STOX2: variants seen among roughly 807,000 people sequenced by gnomAD.
The protein encoded by STOX2 is storkhead-box protein 2.
A neutral mutation model predicts 60.9 loss-of-function variants in STOX2; 28 were observed. The observed-to-expected ratio is 0.46, with a 90% CI of 0.34 to 0.63. STOX2 has a LOEUF of 0.63. Ranked by LOEUF, STOX2 falls within the 30% of genes least tolerant of loss-of-function variation. The pLI is 0.01. For synonymous variants in STOX2, 472 were observed against 463.9 expected (o/e 1.02, Z -0.22); for missense variants, 1,024 against 1,187.7 (o/e 0.86, Z 2.03).
At chr4:183,933,026 C>T (rs1742482102) in intron 1 of STOX2, among the ~76,000 whole-genome samples, 2 of 152,198 alleles carry the variant, frequency 1.3e-5, no homozygotes, top group Admixed American at 1.3e-4. Flanking sequence ...GGCAGATTCA[C>T]ATGCTAAATG....
intron 1 of STOX2, among the ~76,000 whole-genome samples, chr4:183,892,302 G>C (rs910708024): frequency 6.6e-6 from 1 of 152,136 alleles, no homozygotes; most frequent in Non-Finnish European, 1.5e-5. Flanking sequence ...TTTTTGAGAC[G>C]GAGTCTCGCT....
chr4:183,960,607 G>A lies in STOX2; in HGVS notation c.167-40718G>A, dbSNP rs546249830. On this transcript the variant is annotated intron_variant, in intron 1 of 3. Coordinates refer to ENST00000308497, the MANE Select transcript of STOX2 (RefSeq NM_020225.3). The stretch of plus-strand genomic sequence containing the variant: ...ATTGGTGGATAAATGATACATTAAA[G>A]TGCATTTACATTGGGTAAGCAAACT... 1.1e-3 allele frequency among the ~76,000 whole-genome samples: 162 copies of A among 152,300 alleles called. 1 individual carries two copies. The highest frequency in any genetic ancestry group is 6.8e-3 in the Middle Eastern group (2 of 292).
chr4:183,857,912 C>G (rs902439646), intron 1 of STOX2, among the ~76,000 whole-genome samples: 8 of 152,222 alleles, frequency 5.3e-5, no homozygotes, highest in African/African-American at 1.7e-4. Flanking sequence ...ATCCACTCTT[C>G]TCTCCCTACA....
intron 1 of STOX2, among the ~76,000 whole-genome samples, chr4:183,897,174 A>G (rs762217025): frequency 9.9e-5 from 15 of 152,196 alleles, no homozygotes; most frequent in Middle Eastern, 6.8e-3. Flanking sequence ...CTAAATTCCT[A>G]CTCTTTTCCT....
chr4:183,946,026 A>G (rs927256575), intron 1 of STOX2, among the ~76,000 whole-genome samples: 1 of 152,206 alleles, frequency 6.6e-6, no homozygotes, highest in African/African-American at 2.4e-5. Flanking sequence ...TTCTATGTCA[A>G]TGGGCACACA....
chr4:184,014,166 C>T (rs1016544269), intron 3 of STOX2: 12 of 150,300 alleles, frequency 8.0e-5, no homozygotes, highest in Admixed American at 3.3e-4. Flanking sequence ...GACTTTTCTC[C>T]ACACTCCAGG....
intron 1 of STOX2, among the ~76,000 whole-genome samples, chr4:183,923,728 T>C (rs534433160): frequency 1.3e-5 from 2 of 152,242 alleles, no homozygotes; most frequent in South Asian, 4.1e-4. Context: ...GCTTAAAATG[T>C]AGTGAAGAGC....
chr4:183,925,892 TTC>T (rs1742228269), intron 1 of STOX2, among the ~76,000 whole-genome samples: 2 of 143,172 alleles, frequency 1.4e-5, no homozygotes, highest in Admixed American at 6.7e-5. Flanking sequence ...GGTTTTTTTT[TTC>T]TTCTTGAATC....
At chr4:183,989,169 G>GTTTTTTTTTTTTTTT (rs11421201) in intron 1 of STOX2, among the ~76,000 whole-genome samples, 2 of 80,000 alleles carry the variant, frequency 2.5e-5, no homozygotes, top group African/African-American at 1.2e-4. Flanking sequence ...ATTTTTTCTG[G>GTTTTTTTTTTTTTTT]TTTTTTTTTT....
intron 1 of STOX2, among the ~76,000 whole-genome samples, chr4:183,898,897 G>C (rs1468212538): frequency 6.6e-6 from 1 of 152,168 alleles, no homozygotes; most frequent in Admixed American, 6.5e-5. Flanking sequence ...TCTTTGCTTT[G>C]TTCCACTTTG....
At chr4:183,833,848 G>A (rs376834194) in intron 1 of STOX2, among the ~76,000 whole-genome samples, 1 of 151,416 alleles carries the variant, frequency 6.6e-6, no homozygotes, top group African/African-American at 2.4e-5. Flanking sequence ...CGGGCGTGGT[G>A]GCAGGCGCCT....
intron 1 of STOX2, among the ~76,000 whole-genome samples, chr4:183,896,525 A>T (rs1741343430): frequency 1.3e-5 from 2 of 152,194 alleles, no homozygotes. Context: ...AATTTTTCAT[A>T]GAGACGGGAT....
chr4:183,983,766 GA>G (rs1443103752), intron 1 of STOX2, among the ~76,000 whole-genome samples: 1 of 152,174 alleles, frequency 6.6e-6, no homozygotes, highest in African/African-American at 2.4e-5. Flanking sequence ...ATCCATTAAA[GA>G]CTGTTCTTTA....
chr4:183,885,323 T>C (rs561047099), intron 1 of STOX2, among the ~76,000 whole-genome samples: 1 of 152,296 alleles, frequency 6.6e-6, no homozygotes, highest in South Asian at 2.1e-4. Flanking sequence ...AGAAAAAATA[T>C]AGAGAGAGCA....
chr4:183,831,972 C>T (rs550201378), intron 1 of STOX2, among the ~76,000 whole-genome samples: 2 of 150,464 alleles, frequency 1.3e-5, no homozygotes, highest in Admixed American at 6.6e-5. Flanking sequence ...GCAGTTCATT[C>T]ATTTCTTCTT....
At chr4:183,990,154 A>G (rs1733036718) in intron 1 of STOX2, among the ~76,000 whole-genome samples, 1 of 152,218 alleles carries the variant, frequency 6.6e-6, no homozygotes, top group South Asian at 2.1e-4. Context: ...ATGTTTGGTC[A>G]GAAAAAACAC....
At chr4:183,852,548 G>GGAAAGGATGAGGGAAAGGATGAGA (rs1560846530) in intron 1 of STOX2, among the ~76,000 whole-genome samples, 6 of 70,136 alleles carry the variant, frequency 8.6e-5, no homozygotes, top group African/African-American at 2.8e-4. Context: ...AAAGGATGAG[G>GGAAAGGATGAGGGAAAGGATGAGA]GAAAGGATGA....
chr4:183,920,332 TC>T (rs1742066346), intron 1 of STOX2, among the ~76,000 whole-genome samples: 1 of 152,142 alleles, frequency 6.6e-6, no homozygotes, highest in African/African-American at 2.4e-5. Context: ...GATCTTGAAC[TC>T]CTGACCTCAA....
At chr4:184,014,669 C>T (rs1009508502) in intron 3 of STOX2, 4 of 152,056 alleles carry the variant, frequency 2.6e-5, no homozygotes, top group South Asian at 2.1e-4. Flanking sequence ...TCAGCACATC[C>T]GGAGCCCGCA....
Sources: allele counts gnomAD v4.1 joint callset (sites outside exome capture counted in the v4.1 genomes callset), GRCh38; gene constraint gnomAD v4.1.1; transcripts MANE v1.5; gene names NCBI Gene and HGNC (gene_info 2026-07-23, HGNC 2026-07-21).